The following DLGAP1 variants were observed in gnomAD, a reference collection of about 807,000 sequenced individuals.
DLGAP1 encodes DLG associated protein 1, also known as disks large-associated protein 1.
DLGAP1 carries 11 observed loss-of-function variants against 90.8 expected under a neutral mutation model. The ratio of observed to expected loss-of-function variants is 0.12; its 90% CI spans 0.08 to 0.20. The LOEUF (loss-of-function observed/expected upper bound fraction) is 0.20. Among genes scored for constraint, DLGAP1 ranks in the 10% least tolerant of loss-of-function variants. The pLI, the probability that DLGAP1 is intolerant of heterozygous loss-of-function variation, is 1.00. For missense variants in DLGAP1, 1,050 were observed against 1,333.8 expected (o/e 0.79, Z 3.31); for synonymous variants, 558 against 540.7 (o/e 1.03, Z -0.44).
At chr18:3,606,269 T>G (rs1290714744) in intron 7 of DLGAP1, among the ~76,000 whole-genome samples, 2 of 152,130 alleles carry the variant, frequency 1.3e-5, no homozygotes, top group Non-Finnish European at 2.9e-5. Context: ...CTCGCCAGGA[T>G]GAAACTGGGC....
At position 3,961,049 on chromosome 18, in the gene DLGAP1, G is replaced by A. The variant is rs527304779; in HGVS notation, c.-73+44067C>T. 1.1e-4 allele frequency among the ~76,000 whole-genome samples: 16 copies of A among 152,304 alleles called. No homozygotes were observed. The East Asian group carries it at 2.9e-3, about 28-fold the overall frequency. Reference sequence around the variant, plus strand: ...TTCTCTTCCTGCTTCTGGACACTGTGGCCTGGGGGCATCACCCAGAACTAC... The same window carrying A: ...TTCTCTTCCTGCTTCTGGACACTGTAGCCTGGGGGCATCACCCAGAACTAC... On this transcript the variant is annotated intron_variant, in intron 3 of 12. Coordinates refer to ENST00000315677, the MANE Select transcript of DLGAP1 (RefSeq NM_004746.4).
At chr18:4,421,757 G>A (rs971556649) in intron 1 of DLGAP1, among the ~76,000 whole-genome samples, 8 of 152,074 alleles carry the variant, frequency 5.3e-5, no homozygotes, top group African/African-American at 1.7e-4. Context: ...CACCTAGGCT[G>A]GAGTGCAGTA....
At chr18:4,288,066 A>ATT (rs55993727) in intron 1 of DLGAP1, among the ~76,000 whole-genome samples, 4,742 of 151,446 alleles carry the variant, frequency 0.031, 175 homozygotes, top group African/African-American at 0.089. Context: ...AGCTTGACAA[A>ATT]TTTTTTATTA....
At chr18:3,830,391 CCA>C (rs1206716085) in intron 4 of DLGAP1, among the ~76,000 whole-genome samples, 5 of 152,090 alleles carry the variant, frequency 3.3e-5, no homozygotes, top group Non-Finnish European at 7.4e-5. Context: ...TGGTGAAACC[CCA>C]TCTCTATTAA....
intron 1 of DLGAP1, among the ~76,000 whole-genome samples, chr18:4,432,839 T>C (rs190959141): frequency 5.3e-5 from 8 of 152,264 alleles, no homozygotes; most frequent in East Asian, 3.9e-4. Context: ...CCTTCTTCCA[T>C]AGACAAAGTC....
At chr18:3,720,895 A>AAAAAAAAAAAAAG (rs2061953550) in intron 7 of DLGAP1, among the ~76,000 whole-genome samples, 1 of 140,408 alleles carries the variant, frequency 7.1e-6, no homozygotes, top group African/African-American at 2.9e-5. Flanking sequence ...CTACAAAAAA[A>AAAAAAAAAAAAAG]AAAAAAAAAA....
At chr18:4,441,296 G>T (rs963355399) in intron 1 of DLGAP1, among the ~76,000 whole-genome samples, 1 of 152,178 alleles carries the variant, frequency 6.6e-6, no homozygotes, top group African/African-American at 2.4e-5. Flanking sequence ...ATTCTCTCCA[G>T]GGCAAGCAGA....
chr18:4,391,052 T>G (rs955799340), intron 1 of DLGAP1, among the ~76,000 whole-genome samples: 3 of 152,206 alleles, frequency 2.0e-5, no homozygotes, highest in Non-Finnish European at 2.9e-5. Context: ...ACACATATAA[T>G]CAAGTCCAGT....
intron 2 of DLGAP1, among the ~76,000 whole-genome samples, chr18:4,148,061 C>T (rs1313831349): frequency 6.6e-6 from 1 of 152,152 alleles, no homozygotes; most frequent in Non-Finnish European, 1.5e-5. Flanking sequence ...CCATCCTTGT[C>T]TCTCTTTTCC....
chr18:4,322,314 T>G (rs1226277548), intron 1 of DLGAP1, among the ~76,000 whole-genome samples: 1 of 152,048 alleles, frequency 6.6e-6, no homozygotes, highest in Non-Finnish European at 1.5e-5. Context: ...GGGAGTGGAA[T>G]AGGAGAGGTC....
Position 4,039,930 on chromosome 18 carries a change from A to G in DLGAP1, c.-158-34729T>C, listed in dbSNP as rs552520367. On this transcript the variant is annotated intron_variant, in intron 2 of 12. Transcript: ENST00000315677. ...TGAGATAAATTACCTTTGAGTCAGCATCATACATTTCCATGTTGAGGACAC... is the reference window on the plus strand; with the variant it reads ...TGAGATAAATTACCTTTGAGTCAGCGTCATACATTTCCATGTTGAGGACAC... Among the ~76,000 whole-genome samples, 4 of 152,350 alleles carry G rather than the reference A, an allele frequency of 2.6e-5. No individual in the cohort carries two copies. In the South Asian group the frequency reaches 6.2e-4, roughly 24 times the overall value.
chr18:3,532,747 C>T (rs1262893744), intron 10 of DLGAP1, among the ~76,000 whole-genome samples: 2 of 152,236 alleles, frequency 1.3e-5, no homozygotes, highest in Middle Eastern at 3.4e-3. Flanking sequence ...TCAAAAATAT[C>T]ATCAGTTGGA....
chr18:4,282,668 A>C (rs1369344477), intron 1 of DLGAP1, among the ~76,000 whole-genome samples: 1 of 152,204 alleles, frequency 6.6e-6, no homozygotes, highest in Non-Finnish European at 1.5e-5. Context: ...ACAAATTTTT[A>C]TATCTGTTGA....
Position 3,660,670 on chromosome 18 carries a change from T to C in DLGAP1, c.1591+68465A>G, listed in dbSNP as rs556156309. Among the ~76,000 whole-genome samples, 3 of 152,378 alleles carry C rather than the reference T, an allele frequency of 2.0e-5. No homozygotes were observed. The highest frequency in any genetic ancestry group is 1.3e-4 in the Admixed American group (2 of 15,306). On this transcript the variant is annotated intron_variant, in intron 7 of 12. Transcript: ENST00000315677. The surrounding 1 kb of genome is among the most constrained non-coding windows in gnomAD (Gnocchi z 4.2). ...ATTTCTACTCAGAGGCTGTTCTTTA[T>C]AGGGAGTTAGTCAAAATCTATGTGC...
intron 5 of DLGAP1, among the ~76,000 whole-genome samples, chr18:3,806,826 T>C (rs1473607514): frequency 1.3e-5 from 2 of 152,200 alleles, no homozygotes; most frequent in South Asian, 2.1e-4. Context: ...CCCTCTGCTG[T>C]CTTAGGGCTT....
chr18:4,269,513 G>C (rs915960380), intron 1 of DLGAP1, among the ~76,000 whole-genome samples: 38 of 151,394 alleles, frequency 2.5e-4, no homozygotes, highest in South Asian at 4.2e-4. Flanking sequence ...ACCACCATGC[G>C]CGGCTAATTT....
chr18:4,300,225 C>T (rs2080089879), intron 1 of DLGAP1, among the ~76,000 whole-genome samples: 1 of 152,076 alleles, frequency 6.6e-6, no homozygotes. Flanking sequence ...TATTTAATGC[C>T]ATATGATTGG....
chr18:4,434,311 G>A (rs2083353210), intron 1 of DLGAP1, among the ~76,000 whole-genome samples: 1 of 152,010 alleles, frequency 6.6e-6, no homozygotes, highest in African/African-American at 2.4e-5. Context: ...TCCCCTAAGT[G>A]TGGCAATGAT....
chr18:3,672,610 GTTAATGAGAAA>G (rs2060138137), intron 7 of DLGAP1, among the ~76,000 whole-genome samples: 1 of 81,654 alleles, frequency 1.2e-5, no homozygotes, highest in African/African-American at 6.3e-5. Context: ...AAAAAAAAAA[GTTAATGAGAAA>G]CAGGTAGATA....
Sources: gnomAD v4.1 joint callset for allele counts (sites outside exome capture counted in the v4.1 genomes callset) on GRCh38, gnomAD v4.1.1 for gene constraint, Gnocchi (gnomAD v3.1) non-coding constraint, MANE v1.5 for transcripts, NCBI Gene and HGNC (gene_info 2026-07-23, HGNC 2026-07-21) for gene names.